The following KLHL13 variants were observed in gnomAD, a reference collection of about 807,000 sequenced individuals.
The protein encoded by KLHL13 is kelch like family member 13.
KLHL13 carries 10 observed loss-of-function variants against 37.1 expected under a neutral mutation model. That is an observed-to-expected ratio of 0.27 (90% CI 0.17 to 0.46). KLHL13 has a LOEUF of 0.46. Among genes scored for constraint, KLHL13 ranks in the 20% least tolerant of loss-of-function variants. The probability of loss-of-function intolerance (pLI) is 1.00; values close to 1 mark genes in which losing one functional copy is unlikely to be tolerated. For missense variants in KLHL13, 360 were observed against 509.3 expected, an observed-to-expected ratio of 0.71 and a Z score of 2.82; for synonymous variants, 163 against 181.2, an observed-to-expected ratio of 0.90 and a Z score of 0.81.
intron 1 of KLHL13, among the ~76,000 whole-genome samples, chrX:118,012,666 C>T (rs1168722362): frequency 1.2e-5 from 1 of 86,181 alleles, no homozygotes; most frequent in African/African-American, 4.2e-5. Context: ...TAAAATGTGG[C>T]CATCCTGGGC....
intron 1 of KLHL13, among the ~76,000 whole-genome samples, chrX:118,083,878 G>A (rs1451527116): frequency 9.0e-6 from 1 of 110,811 alleles, no homozygotes. Context: ...AAATAAAACT[G>A]TTTTAAAAGG....
intron 2 of KLHL13, among the ~76,000 whole-genome samples, chrX:117,943,598 T>C (rs975013928): frequency 6.5e-5 from 7 of 108,495 alleles, no homozygotes; most frequent in Admixed American, 2.0e-4. Context: ...TCTGATATCC[T>C]TTCTTCTGCT....
chrX:117,973,362 A>C (rs2053554619), exon 1 of KLHL13: 1 of 970,788 alleles, frequency 1.0e-6, no homozygotes, highest in Admixed American at 3.0e-5. Flanking sequence ...GAGCTGCAAC[A>C]ATACAAATGG....
At chrX:118,008,884 A>G (rs143330682) in intron 1 of KLHL13, among the ~76,000 whole-genome samples, 16,616 of 111,201 alleles carry the variant, frequency 0.15, 1,628 homozygotes, top group African/African-American at 0.36. Context: ...TACTTCATAA[A>G]GTTATTATGA....
At chrX:118,082,261 C>T (rs760446283) in intron 1 of KLHL13, among the ~76,000 whole-genome samples, 2 of 110,710 alleles carry the variant, frequency 1.8e-5, no homozygotes, top group South Asian at 3.9e-4. Flanking sequence ...TCCACATCAT[C>T]CCCAGCATTT....
chrX:118,111,272 T>C lies in KLHL13; in HGVS notation c.-56+5236A>G, dbSNP rs778557853. Among the ~76,000 whole-genome samples, 219 of 112,722 alleles carry C rather than the reference T, an allele frequency of 1.9e-3. 4 individuals carry two copies. Among genetic ancestry groups the C allele is most frequent in the Middle Eastern group, 9.2e-3 (2 of 217 alleles). On this transcript the variant is annotated intron_variant, in intron 1 of 6. Transcript: ENST00000371882. ...TGTAATACACCATTAGGGTCTATGG[T>C]GCAACCCCATAAACATATTAGTAAT...
intron 1 of KLHL13, among the ~76,000 whole-genome samples, chrX:118,094,823 T>C (rs1214481943): frequency 2.7e-5 from 3 of 111,017 alleles, no homozygotes; most frequent in Non-Finnish European, 5.7e-5. Context: ...TAAAATACTT[T>C]ACAGACAAGC....
intron 1 of KLHL13, among the ~76,000 whole-genome samples, chrX:117,984,316 T>C (rs2053699188): frequency 1.8e-5 from 2 of 111,383 alleles, no homozygotes; most frequent in African/African-American, 6.6e-5. Context: ...TGGCAAATGT[T>C]TGATGAGCTC....
exon 1 of KLHL13, chrX:117,973,222 T>C: frequency 4.2e-6 from 4 of 955,901 alleles, no homozygotes; most frequent in Non-Finnish European, 5.3e-6. Context: ...CACTGTACTA[T>C]ATTCTGCACC....
At chrX:117,928,277 G>C (rs1034073669) in intron 2 of KLHL13, among the ~76,000 whole-genome samples, 1 of 111,633 alleles carries the variant, frequency 9.0e-6, no homozygotes, top group African/African-American at 3.3e-5. Context: ...CTCAATAATT[G>C]ATTTTAAAGG....
At chrX:117,989,105 A>G (rs1347970062) in intron 1 of KLHL13, among the ~76,000 whole-genome samples, 1 of 111,648 alleles carries the variant, frequency 9.0e-6, no homozygotes, top group African/African-American at 3.2e-5. Context: ...TTATTTTCCA[A>G]CCTAATTTTT....
chrX:118,109,908 T>A (rs997980577), intron 1 of KLHL13, among the ~76,000 whole-genome samples: 18 of 111,070 alleles, frequency 1.6e-4, no homozygotes, highest in African/African-American at 4.6e-4. Context: ...GTACAGTGGC[T>A]CATGCCTGTA....
chrX:118,063,243 G>A (rs1324043381), intron 1 of KLHL13, among the ~76,000 whole-genome samples: 1 of 111,468 alleles, frequency 9.0e-6, no homozygotes, highest in African/African-American at 3.3e-5. Context: ...ACCTGTATAT[G>A]TGCTGTACTT....
intron 2 of KLHL13, among the ~76,000 whole-genome samples, chrX:117,933,496 A>C (rs1182132957): frequency 1.8e-5 from 2 of 111,836 alleles, no homozygotes; most frequent in Non-Finnish European, 3.8e-5. Context: ...ACCACACACA[A>C]AAACCAACTA....
intron 1 of KLHL13, among the ~76,000 whole-genome samples, chrX:118,011,073 A>AAATT (rs773032797): frequency 6.4e-4 from 69 of 108,377 alleles, no homozygotes; most frequent in African/African-American, 2.1e-3. Flanking sequence ...ACACTGTCTC[A>AAATT]AAATAAATAA....
At chrX:117,946,074 G>T (rs1194595974) in intron 1 of KLHL13, 1 of 111,604 alleles carries the variant, frequency 9.0e-6, no homozygotes, top group African/African-American at 3.3e-5. Flanking sequence ...TTGAATCTAG[G>T]TCTAGTCTGA....
intron 1 of KLHL13, among the ~76,000 whole-genome samples, chrX:118,031,639 T>TTA (rs1186833913): frequency 4.0e-5 from 4 of 99,037 alleles, no homozygotes; most frequent in Non-Finnish European, 6.0e-5. Flanking sequence ...ATATATTTAG[T>TTA]TATATATATA....
chrX:117,959,100 C>G (rs1416953792), intron 1 of KLHL13, among the ~76,000 whole-genome samples: 1 of 110,489 alleles, frequency 9.1e-6, no homozygotes, highest in African/African-American at 3.4e-5. Context: ...AAAAAACACT[C>G]TAATTGTATC....
intron 1 of KLHL13, among the ~76,000 whole-genome samples, chrX:117,992,687 C>A (rs2053808745): frequency 9.1e-6 from 1 of 110,355 alleles, no homozygotes; most frequent in Non-Finnish European, 1.9e-5. Context: ...TCTGTTCACA[C>A]AAGTTCTGCC....
Sources: gnomAD v4.1 joint callset for allele counts (sites outside exome capture counted in the v4.1 genomes callset) on GRCh38, gnomAD v4.1.1 for gene constraint, MANE v1.5 for transcripts, NCBI Gene and HGNC (gene_info 2026-07-23, HGNC 2026-07-21) for gene names.